The following NECTIN3 variants were observed in gnomAD, a reference collection of about 807,000 sequenced individuals.
NECTIN3 encodes nectin cell adhesion molecule 3.
A neutral mutation model predicts 49.4 loss-of-function variants in NECTIN3; 8 were observed. The ratio of observed to expected loss-of-function variants is 0.16; its 90% CI spans 0.10 to 0.29. The LOEUF is 0.29. NECTIN3 is among the 10% of genes least tolerant of loss of function. NECTIN3 has a pLI of 1.00. For synonymous variants in NECTIN3, 277 were observed against 241.1 expected (o/e 1.15, Z -1.38); for missense variants, 581 against 654.6 (o/e 0.89, Z 1.23).
At chr3:111,182,474 G>T (rs538494837) in intron 7 of NECTIN3, among the ~76,000 whole-genome samples, 1 of 152,082 alleles carries the variant, frequency 6.6e-6, no homozygotes, top group South Asian at 2.1e-4. Context: ...TTTCAATTCT[G>T]TCGGTTATTC....
chr3:111,172,672 CT>C (rs2107527437), intron 7 of NECTIN3, among the ~76,000 whole-genome samples: 1 of 152,260 alleles, frequency 6.6e-6, no homozygotes, highest in South Asian at 2.1e-4. Flanking sequence ...TGACATAATA[CT>C]CATTATAGAA....
In NECTIN3 at chr3:111,147,515, G is replaced by A. The variant is rs1473387762; in HGVS notation, c.1221+31G>A. ...TGTTCATGAGTACACTTAAGATAAT[G>A]TAAGATACAATTTAAAAAATACTAA... On this transcript the variant is annotated intron_variant, in intron 7 of 8. Coordinates refer to the NECTIN3 transcript ENST00000493615. 12 of 1,429,264 alleles carry A rather than the reference G, an allele frequency of 8.4e-6. No individual in the cohort carries two copies. The East Asian group carries it at 1.2e-4, about 15-fold the overall frequency. The allele number at this position is 1,429,264 out of a possible 1,614,324, so 88.5% of individuals were successfully genotyped here.
chr3:111,117,029 G>A (rs996927870), intron 2 of NECTIN3, among the ~76,000 whole-genome samples: 9 of 152,046 alleles, frequency 5.9e-5, no homozygotes, highest in African/African-American at 2.2e-4. Context: ...AATGTTTCTT[G>A]TAAAATTGTT....
chr3:111,109,136 G>T (rs1345114004), intron 1 of NECTIN3, among the ~76,000 whole-genome samples: 1 of 151,978 alleles, frequency 6.6e-6, no homozygotes, highest in Non-Finnish European at 1.5e-5. Context: ...AAGTGAGGGA[G>T]TGAGCTCTCC....
intron 1 of NECTIN3, among the ~76,000 whole-genome samples, chr3:111,080,435 CTT>C (rs1019436776): frequency 1.5e-4 from 23 of 152,082 alleles, no homozygotes; most frequent in African/African-American, 5.1e-4. Flanking sequence ...GACAGCATCT[CTT>C]GAAATATAAA....
At chr3:111,181,895 C>T (rs925111723) in intron 7 of NECTIN3, among the ~76,000 whole-genome samples, 8 of 151,790 alleles carry the variant, frequency 5.3e-5, no homozygotes, top group Non-Finnish European at 7.4e-5. Context: ...TTTTTTTCTA[C>T]TTCCTTTGGA....
chr3:111,085,829 A>T (rs1262037063), intron 1 of NECTIN3, among the ~76,000 whole-genome samples: 1 of 152,018 alleles, frequency 6.6e-6, no homozygotes, highest in Admixed American at 6.6e-5. Flanking sequence ...TGCTGTGAAC[A>T]TCATCGTGCC....
Position 111,193,305 on chromosome 3 carries a change from C to T in NECTIN3, c.63+892C>T, listed in dbSNP as rs145238359. 4.4e-3 allele frequency: 6,809 copies of T among 1,535,712 alleles called. 27 individuals carry two copies. Among genetic ancestry groups the T allele is most frequent in the Non-Finnish European group, 5.5e-3 (6,332 of 1,146,674 alleles). On this transcript the variant is annotated intron_variant, in intron 1 of 1. Transcript: ENST00000485506. ...TTACAATCAAATGTGCTACCAAGACCGGAGCCCTGGCAAACATCATCAAAA... is the reference window on the plus strand; with the variant it reads ...TTACAATCAAATGTGCTACCAAGACTGGAGCCCTGGCAAACATCATCAAAA...
chr3:111,145,008 A>C lies in NECTIN3; in HGVS notation c.1110A>C (p.Arg370=), dbSNP rs3733174. ...TTGTGACTGTGCTGCTGACTCCTCGAAAAAAAAGACCATCCTATCTTGACA... is the reference window on the plus strand; with the variant it reads ...TTGTGACTGTGCTGCTGACTCCTCGCAAAAAAAGACCATCCTATCTTGACA... Residue 370 remains arginine, a synonymous_variant, in exon 6 of 9, where the codon CGA becomes CGC. Transcript: ENST00000493615. The C allele has an allele frequency of 0.016, 24,949 of 1,535,170 alleles. 1,267 individuals carry two copies. The East Asian group carries it at 0.21, about 13-fold the overall frequency.
intron 5 of NECTIN3, among the ~76,000 whole-genome samples, chr3:111,126,890 G>T (rs571863437): frequency 1.3e-5 from 2 of 152,064 alleles, no homozygotes; most frequent in African/African-American, 4.8e-5. Flanking sequence ...ACTACTAATA[G>T]CTTAGATTTT....
At chr3:111,145,371 T>C (rs1249310035) in intron 6 of NECTIN3, among the ~76,000 whole-genome samples, 2 of 152,210 alleles carry the variant, frequency 1.3e-5, no homozygotes, top group Admixed American at 6.5e-5. Flanking sequence ...GAAGGACATA[T>C]AAAAATATCT....
chr3:111,153,166 G>A (rs1345939329), intron 7 of NECTIN3, among the ~76,000 whole-genome samples: 1 of 151,840 alleles, frequency 6.6e-6, no homozygotes, highest in Non-Finnish European at 1.5e-5. Context: ...GTAGAAAAAT[G>A]TTTTCGTCTT....
chr3:111,134,217 A>C lies in NECTIN3; in HGVS notation c.*2A>C, dbSNP rs933682451. Reference sequence around the variant, plus strand: ...TCCAGGAGGGAGTGGTATGTTTAGCAACCACTGAATGTGACTTAACTATGT... The same window carrying C: ...TCCAGGAGGGAGTGGTATGTTTAGCCACCACTGAATGTGACTTAACTATGT... On this transcript the variant is annotated 3_prime_UTR_variant, in exon 6 of 6. Coordinates refer to ENST00000485303, the MANE Select transcript of NECTIN3 (RefSeq NM_015480.3). 1 of 1,586,144 alleles carries C rather than the reference A, an allele frequency of 6.3e-7. No individual in the cohort carries two copies. Among genetic ancestry groups the C allele is most frequent in the African/African-American group, 1.4e-5 (1 of 74,046 alleles).
At chr3:111,073,816 C>A (rs1559760113) in intron 1 of NECTIN3, among the ~76,000 whole-genome samples, 1 of 152,144 alleles carries the variant, frequency 6.6e-6, no homozygotes, top group Non-Finnish European at 1.5e-5. Flanking sequence ...ATAGCTGATG[C>A]AGGAATTATT....
intron 5 of NECTIN3, among the ~76,000 whole-genome samples, chr3:111,128,213 T>C (rs928250632): frequency 7.1e-4 from 108 of 151,670 alleles, no homozygotes; most frequent in African/African-American, 2.5e-3. Flanking sequence ...GGTATGCGCC[T>C]GTGATCCCAG....
intron 1 of NECTIN3, among the ~76,000 whole-genome samples, chr3:111,094,156 T>C (rs543225564): frequency 6.6e-6 from 1 of 151,976 alleles, no homozygotes; most frequent in Non-Finnish European, 1.5e-5. Flanking sequence ...TACTATACTT[T>C]TATTTCATAC....
At chr3:111,080,218 G>A (rs1374296914) in intron 1 of NECTIN3, among the ~76,000 whole-genome samples, 3 of 151,946 alleles carry the variant, frequency 2.0e-5, no homozygotes, top group Non-Finnish European at 2.9e-5. Flanking sequence ...TTTCAACTTC[G>A]GGATTCTTAA....
At chr3:111,128,012 C>G (rs1361521559) in intron 5 of NECTIN3, among the ~76,000 whole-genome samples, 2 of 151,996 alleles carry the variant, frequency 1.3e-5, no homozygotes, top group Admixed American at 1.3e-4. Flanking sequence ...ACTTGTAGAC[C>G]TTAGACTCAA....
chr3:111,170,932 G>A (rs1471607668), intron 7 of NECTIN3, among the ~76,000 whole-genome samples: 1 of 152,112 alleles, frequency 6.6e-6, no homozygotes, highest in Non-Finnish European at 1.5e-5. Flanking sequence ...TTTTACCAGG[G>A]TCATCTTTAA....
Sources: allele counts gnomAD v4.1 joint callset (sites outside exome capture counted in the v4.1 genomes callset), GRCh38; gene constraint gnomAD v4.1.1; transcripts MANE v1.5; gene names NCBI Gene and HGNC (gene_info 2026-07-23, HGNC 2026-07-21).